Variants in TRIT1 observed in about 807,000 individuals in gnomAD.
TRIT1 encodes the protein tRNA isopentenyltransferase 1.
In TRIT1, 43 loss-of-function variants were observed where a neutral mutation model predicts 51.2. The observed-to-expected ratio is 0.84, with a 90% confidence interval of 0.66 to 1.08. The LOEUF (loss-of-function observed/expected upper bound fraction) is 1.08. Among genes scored for constraint, TRIT1 ranks in the 50% least tolerant of loss-of-function variants. The pLI is 0.00. For synonymous variants in TRIT1, 184 were observed against 203.9 expected (o/e 0.90, Z 0.83); for missense variants, 528 against 578.4 (o/e 0.91, Z 0.89).
intron 10 of TRIT1, among the ~76,000 whole-genome samples, chr1:39,842,178 G>A (rs1346813233): frequency 6.6e-6 from 1 of 152,200 alleles, no homozygotes; most frequent in Non-Finnish European, 1.5e-5. Flanking sequence ...TGGCAGTCTT[G>A]TAAGATGGTA....
intron 1 of TRIT1, among the ~76,000 whole-genome samples, chr1:39,877,040 A>C (rs1644091195): frequency 2.0e-5 from 3 of 149,074 alleles, no homozygotes; most frequent in South Asian, 2.1e-4. Flanking sequence ...AAAAAAAAAA[A>C]AAAACAGGTC....
At chr1:39,842,769 T>G (rs533740914) in intron 10 of TRIT1, among the ~76,000 whole-genome samples, 10 of 152,226 alleles carry the variant, frequency 6.6e-5, no homozygotes, top group Non-Finnish European at 1.3e-4. Flanking sequence ...AAAAACATCA[T>G]TTTTAAGAGT....
At position 39,854,030 on chromosome 1, in the gene TRIT1, A is replaced by G; in HGVS notation, c.354T>C (p.Val118=). Residue 118 remains valine, a synonymous_variant, in exon 3 of 11, where the codon GTT becomes GTC. Transcript: ENST00000316891. ...CAATGTAATAATTGGTTCCTCCCAC[A>G]ACAATAGGAATTTTGTCTCGGGCAA... is the stretch of plus-strand genomic sequence containing the variant. ...DIFARDKIPI[V]VGGTNYYIES... 1 of 1,612,834 alleles carries G rather than the reference A, an allele frequency of 6.2e-7. No individual in the cohort carries two copies. Among genetic ancestry groups the G allele is most frequent in the South Asian group, 1.1e-5 (1 of 90,726 alleles).
Position 39,854,046 on chromosome 1 carries a change from T to A in TRIT1, c.338A>T (p.Asp113Val). The A allele has an allele frequency of 1.2e-6, 2 of 1,611,204 alleles. No individual in the cohort carries two copies. Among genetic ancestry groups the A allele is most frequent in the Non-Finnish European group, 1.7e-6 (2 of 1,178,818 alleles). The change falls in exon 3 of 11, where the codon GAC (aspartate) becomes GTC (valine). Residue 113 changes from aspartate (D) to valine (V), a missense_variant. Transcript: ENST00000316891. ...TCCTCCCACAACAATAGGAATTTTG[T>A]CTCGGGCAAATATATCTTCAATGTG... ...TALIEDIFAR[D>V]KIPIVVGGTN...
chr1:39,873,553 T>C (rs1643947258), intron 1 of TRIT1, among the ~76,000 whole-genome samples: 1 of 152,154 alleles, frequency 6.6e-6, no homozygotes, highest in African/African-American at 2.4e-5. Flanking sequence ...AAAAGGGACA[T>C]AAGTGAAAAA....
At chr1:39,858,763 A>T (rs1643046386) in intron 1 of TRIT1, among the ~76,000 whole-genome samples, 1 of 152,216 alleles carries the variant, frequency 6.6e-6, no homozygotes, top group Non-Finnish European at 1.5e-5. Flanking sequence ...TAAGAGCCAT[A>T]AGGAAAGCAT....
chr1:39,859,543 A>G (rs575273075), intron 1 of TRIT1, among the ~76,000 whole-genome samples: 1 of 151,688 alleles, frequency 6.6e-6, no homozygotes, highest in African/African-American at 2.4e-5. Flanking sequence ...AGATCATACC[A>G]CTGCACTCCA....
In TRIT1 at chr1:39,838,489, A is replaced by G. The variant is rs1652460014; in HGVS notation, c.*3255T>C. 6.6e-6 allele frequency among the ~76,000 whole-genome samples: 1 copy of G among 151,860 alleles called. No individual in the cohort carries two copies. The highest frequency in any genetic ancestry group is 2.4e-5 in the African/African-American group (1 of 41,354). ...GGTTGTTAGTTTTATTTTCTTTTTG[A>G]GCAACATGGTCTTGCTCTGCCACCC... On this transcript the variant is annotated 3_prime_UTR_variant, in exon 11 of 11. Transcript: ENST00000316891.
At chr1:39,841,999 A>G in intron 10 of TRIT1, 86 bp from the exon 11 acceptor site, 1 of 1,408,046 alleles carries the variant, frequency 7.1e-7, no homozygotes, top group South Asian at 1.4e-5. Context: ...AAAATTAACT[A>G]TACAATGCTT....
At chr1:39,883,229 C>A in intron 1 of TRIT1, 89 bp downstream of exon 1, 2 of 1,426,242 alleles carry the variant, frequency 1.4e-6, no homozygotes, top group South Asian at 1.3e-5. Flanking sequence ...CCCTACAAGC[C>A]TCGGGGTTCA....
chr1:39,867,130 T>G (rs1481243320), intron 1 of TRIT1, among the ~76,000 whole-genome samples: 1 of 152,220 alleles, frequency 6.6e-6, no homozygotes, highest in Non-Finnish European at 1.5e-5. Flanking sequence ...ACCAGAATCA[T>G]ATAAGGCCAT....
At chr1:39,863,672 T>G (rs1245815509) in intron 1 of TRIT1, among the ~76,000 whole-genome samples, 1 of 149,416 alleles carries the variant, frequency 6.7e-6, no homozygotes, top group Non-Finnish European at 1.5e-5. Flanking sequence ...GGTACAACGC[T>G]GAAATAACCT....
chr1:39,871,950 C>A (rs892243680), intron 1 of TRIT1, among the ~76,000 whole-genome samples: 3 of 152,002 alleles, frequency 2.0e-5, no homozygotes, highest in African/African-American at 7.3e-5. Flanking sequence ...GTTGTCCAGG[C>A]TAGAGTGCAG....
intron 1 of TRIT1, among the ~76,000 whole-genome samples, chr1:39,880,268 T>TAAAAAAAAAAA (rs1553148795): frequency 2.1e-5 from 2 of 94,888 alleles, no homozygotes; most frequent in African/African-American, 3.9e-5. Context: ...AGACCTCAAA[T>TAAAAAAAAAAA]AAAAAAAAAA....
At position 39,853,970 on chromosome 1, in the gene TRIT1, C is replaced by T; in HGVS notation, c.414G>A (p.Lys138=). 6.2e-7 allele frequency: 1 copy of T among 1,606,736 alleles called. No individual in the cohort carries two copies. Among genetic ancestry groups the T allele is most frequent in the Non-Finnish European group, 8.5e-7 (1 of 1,174,776 alleles). Reference sequence around the variant, plus strand: ...TGAGTTACGAGTGAACTAAACTTACCTTGGTATTGACAAGAACTTTCCAGA... The same window carrying T: ...TGAGTTACGAGTGAACTAAACTTACTTTGGTATTGACAAGAACTTTCCAGA... ...SLLWKVLVNT[K]PQEMGTEKVI... Residue 138 remains lysine (K), a splice_region_variant and synonymous_variant, in exon 3 of 11, where the codon AAG becomes AAA. Coordinates refer to ENST00000316891, the MANE Select transcript of TRIT1 (RefSeq NM_017646.6).
At chr1:39,875,348 C>A (rs962794557) in intron 1 of TRIT1, among the ~76,000 whole-genome samples, 2 of 151,942 alleles carry the variant, frequency 1.3e-5, no homozygotes, top group Non-Finnish European at 2.9e-5. Context: ...ATTAGCCAGG[C>A]GTGGTGGCAT....
chr1:39,842,970 C>T (rs1281150457), intron 10 of TRIT1, among the ~76,000 whole-genome samples: 1 of 152,146 alleles, frequency 6.6e-6, no homozygotes, highest in Non-Finnish European at 1.5e-5. Flanking sequence ...AAGCTAAGCT[C>T]ACAAAGGCTC....
intron 1 of TRIT1, among the ~76,000 whole-genome samples, chr1:39,858,911 A>G (rs1354121754): frequency 6.6e-6 from 1 of 152,096 alleles, no homozygotes; most frequent in East Asian, 1.9e-4. Flanking sequence ...AATGTTATAC[A>G]AGGTCATATG....
chr1:39,854,176 G>T, intron 2 of TRIT1, 108 bp from the exon 3 acceptor site: 1 of 785,460 alleles, frequency 1.3e-6, no homozygotes, highest in Non-Finnish European at 2.0e-6. Context: ...GAGGAGAAAG[G>T]GTGGGAACCA....
Sources: allele counts gnomAD v4.1 joint callset (sites outside exome capture counted in the v4.1 genomes callset), GRCh38; gene constraint gnomAD v4.1.1; transcripts MANE v1.5; gene names NCBI Gene and HGNC (gene_info 2026-07-23, HGNC 2026-07-21).